Variants in HDAC5 observed in about 807,000 individuals in gnomAD.
The protein encoded by HDAC5 is antigen NY-CO-9.
Under a neutral mutation model 133.3 loss-of-function variants are expected in HDAC5, and 25 were observed. The observed-to-expected ratio is 0.19, with a 90% CI of 0.14 to 0.26. HDAC5 has a LOEUF of 0.26. Among genes scored for constraint, HDAC5 ranks in the 10% least tolerant of loss-of-function variants. HDAC5 has a pLI of 1.00. For missense variants in HDAC5, 1,041 were observed against 1,460.5 expected (o/e 0.71, Z 4.68); for synonymous variants, 589 against 610.8 (o/e 0.96, Z 0.53).
rs777606883 is a variant in HDAC5, at chr17:44,093,400, C to G, written c.440G>C (p.Arg147Pro). ...CAGCTCTTCCTGCCGCTGCTGCTCCCGCTGCCGCTGCTGCTCCAGCTCCTG... is the reference window on the plus strand; with the variant it reads ...CAGCTCTTCCTGCCGCTGCTGCTCCGGCTGCCGCTGCTGCTCCAGCTCCTG... The part of the protein sequence containing the change: ...RQQELEQQRQ[R>P]EQQRQEELEK... The change falls in exon 5 of 27, where the codon CGG (arginine) becomes CCG (proline). Residue 147 changes from arginine to proline, a missense_variant. Coordinates refer to ENST00000682912, the MANE Select transcript of HDAC5 (RefSeq NM_005474.5). 2 of 1,590,828 alleles carry G rather than the reference C, an allele frequency of 1.3e-6. No homozygotes were observed. The highest frequency in any genetic ancestry group is 1.7e-6 in the Non-Finnish European group (2 of 1,170,804).
chr17:44,096,379 C>T (rs2051270649), intron 3 of HDAC5, among the ~76,000 whole-genome samples: 1 of 151,712 alleles, frequency 6.6e-6, no homozygotes, highest in South Asian at 2.1e-4. Context: ...CCAGTATCTT[C>T]TGCCTTCATG....
chr17:44,086,476 G>T, intron 14 of HDAC5, 96 bp downstream of exon 14: 1 of 1,100,192 alleles, frequency 9.1e-7, no homozygotes. Flanking sequence ...GGTGCCTAAG[G>T]GGCCCCAGCA....
rs894381836 is a variant in HDAC5 at position 44,123,550 on chromosome 17, GGCGGCGGCA to G, written c.-245_-237del. The G allele has an allele frequency of 8.5e-5, 34 of 400,564 alleles. No homozygotes were observed. Among genetic ancestry groups the G allele is most frequent in the East Asian group, 1.8e-4 (5 of 28,068 alleles). 24.8% of individuals were successfully genotyped at this position (400,564 alleles called of 1,614,324 possible). A position where few individuals can be genotyped will look rare whatever the true frequency, so the allele number is the denominator to read the frequency against. On this transcript the variant is annotated 5_prime_UTR_variant, in exon 1 of 27. Coordinates refer to ENST00000682912, the MANE Select transcript of HDAC5 (RefSeq NM_005474.5). ...CTTCGCGGGCGGCGGCGGCAGCAGC[GGCGGCGGCA>G]GCGGCGGCAGCACCTCCTCGACGGC...
At chr17:44,098,041 G>A (rs1017785948) in intron 3 of HDAC5, among the ~76,000 whole-genome samples, 3 of 152,258 alleles carry the variant, frequency 2.0e-5, no homozygotes, top group Non-Finnish European at 4.4e-5. Flanking sequence ...ATATTAATTT[G>A]CAGGACCTGC....
Position 44,117,777 on chromosome 17 carries a change from A to C in HDAC5, c.-189-73T>G. ...AGAGTCGAAGGAGACCTTGGAGCTC[A>C]TCAGTTTGTACCTGGGGATGAGGGA... On this transcript the variant is annotated intron_variant, in intron 1 of 26. Coordinates refer to ENST00000682912, the MANE Select transcript of HDAC5 (RefSeq NM_005474.5). This position sits in a 1 kb window ranked among gnomAD's most constrained non-coding sequence, Gnocchi z 4.2. 2 of 592,314 alleles carry C rather than the reference A, an allele frequency of 3.4e-6. No individual in the cohort carries two copies. The highest frequency in any genetic ancestry group is 4.0e-5 in the South Asian group (2 of 49,586). 36.7% of individuals were successfully genotyped at this position (592,314 alleles called of 1,614,324 possible).
Position 44,078,021 on chromosome 17 carries a change from G to A in HDAC5, c.*355C>T, listed in dbSNP as rs920075387. 5.8e-5 allele frequency: 13 copies of A among 224,460 alleles called. No individual in the cohort carries two copies. The highest frequency in any genetic ancestry group is 8.7e-5 in the East Asian group (1 of 11,556). The allele number at this position is 224,460 out of a possible 1,614,324, so 13.9% of individuals were successfully genotyped here. On this transcript the variant is annotated 3_prime_UTR_variant, in exon 27 of 27. Transcript: ENST00000682912. The stretch of plus-strand genomic sequence containing the variant: ...GCTGAAACCAAGGCACCGACTTCCC[G>A]TTCCCTCCTCACTCGGGGGGCCCCA...
chr17:44,116,726 G>T (rs1055641808), intron 2 of HDAC5, among the ~76,000 whole-genome samples: 1 of 152,024 alleles, frequency 6.6e-6, no homozygotes. Flanking sequence ...AACTGCTGAG[G>T]GTCCAGCTCA....
intron 18 of HDAC5, 39 bp from the exon 19 acceptor site, chr17:44,082,859 G>T: frequency 6.5e-7 from 1 of 1,542,424 alleles, no homozygotes; most frequent in Non-Finnish European, 8.8e-7. Flanking sequence ...CAAGATCCAG[G>T]CAGGAAGGCC....
At chr17:44,082,332 A>G (rs559082256) in intron 20 of HDAC5, 2 of 542,362 alleles carry the variant, frequency 3.7e-6, no homozygotes, top group South Asian at 4.7e-5. Context: ...TCGTTGCTTG[A>G]AACTGCAACG....
In HDAC5 at chr17:44,091,404, A is replaced by G. The variant is rs1278051177; in HGVS notation, c.1253T>C (p.Met418Thr). 6.4e-7 allele frequency: 1 copy of G among 1,567,934 alleles called. No homozygotes were observed. The highest frequency in any genetic ancestry group is 8.6e-7 in the Non-Finnish European group (1 of 1,156,782). The change falls in exon 11 of 27, where the codon ATG becomes ACG. Residue 418 changes from methionine (M) to threonine (T), a missense_variant. Coordinates refer to ENST00000682912, the MANE Select transcript of HDAC5 (RefSeq NM_005474.5). ...RQGGTLTGKFMSTSSIPGCLL... is the reference protein window; with the variant it reads ...RQGGTLTGKFTSTSSIPGCLL... ...GCAGCCAGGAATAGAGGATGTGCTC[A>G]TGAACTTGCCGGTCAGCGTGCCACC...
At chr17:44,120,884 C>G (rs1032225723) in intron 1 of HDAC5, among the ~76,000 whole-genome samples, 4 of 151,990 alleles carry the variant, frequency 2.6e-5, no homozygotes, top group Admixed American at 2.0e-4. Context: ...GTGCCTCCCC[C>G]AAGCTAGGCC....
At chr17:44,084,336 A>G (rs1349344991) in intron 16 of HDAC5, among the ~76,000 whole-genome samples, 1 of 152,162 alleles carries the variant, frequency 6.6e-6, no homozygotes, top group Non-Finnish European at 1.5e-5. Context: ...AGTCCCCCCA[A>G]CCGAGCACTT....
At chr17:44,078,959 C>T in intron 24 of HDAC5, 80 bp from the exon 25 acceptor site, 1 of 1,537,352 alleles carries the variant, frequency 6.5e-7, no homozygotes, top group Non-Finnish European at 9.0e-7. Context: ...CACTCAGCCC[C>T]AGATATCCCT....
intron 3 of HDAC5, among the ~76,000 whole-genome samples, chr17:44,110,157 C>T (rs912901340): frequency 7.9e-5 from 12 of 152,206 alleles, no homozygotes; most frequent in African/African-American, 2.4e-4. Context: ...AGCCAAGCCC[C>T]TCAATATCCA....
rs2052727899 is a variant in HDAC5 at position 44,117,615 on chromosome 17, A to G, written c.-100T>C. ...GAGACAGACGATAACAGACAGACGG[A>G]CGGGACGGGAGCCCGGGGCCGCCGT... On this transcript the variant is annotated 5_prime_UTR_variant, in exon 2 of 27. Coordinates refer to ENST00000682912, the MANE Select transcript of HDAC5 (RefSeq NM_005474.5). This position sits in a 1 kb window ranked among gnomAD's most constrained non-coding sequence, Gnocchi z 4.2. The G allele has an allele frequency of 4.9e-6, 7 of 1,430,592 alleles. No homozygotes were observed. In the South Asian group the frequency reaches 6.9e-5, roughly 14 times the overall value. 88.6% of individuals were successfully genotyped at this position (1,430,592 alleles called of 1,614,324 possible).
At position 44,083,865 on chromosome 17, in the gene HDAC5, G is replaced by A. The variant is rs774482460; in HGVS notation, c.2306-11C>T. The A allele has an allele frequency of 7.4e-6, 12 of 1,613,370 alleles. No homozygotes were observed. The highest frequency in any genetic ancestry group is 4.5e-5 in the East Asian group (2 of 44,878). ...TCTGGCTGATGGGGCCTGCATGGAAGAGGAATAGAGCTACTCTAGAAGTGG... is the reference window on the plus strand; with the variant it reads ...TCTGGCTGATGGGGCCTGCATGGAAAAGGAATAGAGCTACTCTAGAAGTGG... On this transcript the variant is annotated splice_polypyrimidine_tract_variant and intron_variant, in intron 16 of 26. Coordinates refer to ENST00000682912, the MANE Select transcript of HDAC5 (RefSeq NM_005474.5).
At chr17:44,082,084 CA>C in intron 20 of HDAC5, 1 of 154,144 alleles carries the variant, frequency 6.5e-6, no homozygotes, top group Non-Finnish European at 1.4e-5. Context: ...GTGCTGGGGC[CA>C]AAAGCCTTGG....
At position 44,078,485 on chromosome 17, in the gene HDAC5, C is replaced by T. The variant is rs771120902; in HGVS notation, c.3329+15G>A. On this transcript the variant is annotated intron_variant, in intron 26 of 26. Coordinates refer to ENST00000682912, the MANE Select transcript of HDAC5 (RefSeq NM_005474.5). ...CAGGGGTGAGGGCAGAGAGGTGGTG[C>T]GGGTTGCTGCTTACCTGGGGCTGTG... 1.0e-5 allele frequency: 16 copies of T among 1,597,654 alleles called. No individual in the cohort carries two copies. The highest frequency in any genetic ancestry group is 5.1e-5 in the Admixed American group (3 of 58,662).
chr17:44,092,335 CCT>C lies in HDAC5; in HGVS notation c.919+44_919+45del, dbSNP rs144062186. On this transcript the variant is annotated intron_variant, in intron 8 of 26. Coordinates refer to ENST00000682912, the MANE Select transcript of HDAC5 (RefSeq NM_005474.5). Reference sequence around the variant, plus strand: ...GGCCTGCTGTGAACTACCCCCGACCCCTGATTCCCAGACCCTCAGAACAGGTA... The same window carrying C: ...GGCCTGCTGTGAACTACCCCCGACCCGATTCCCAGACCCTCAGAACAGGTA... 3.5e-5 allele frequency: 56 copies of C among 1,611,944 alleles called. 1 individual carries two copies. The Middle Eastern group carries it at 5.0e-4, about 14-fold the overall frequency.
Sources: gnomAD v4.1 joint callset for allele counts (sites outside exome capture counted in the v4.1 genomes callset) on GRCh38, gnomAD v4.1.1 for gene constraint, Gnocchi (gnomAD v3.1) non-coding constraint, MANE v1.5 for transcripts, NCBI Gene and HGNC (gene_info 2026-07-23, HGNC 2026-07-21) for gene names.